The following ZNF626 variants were observed in gnomAD, a reference collection of about 807,000 sequenced individuals.
ZNF626 encodes the protein CTC-513N18.7.
In ZNF626, 4 loss-of-function variants were observed where a neutral mutation model predicts 11.7. The observed-to-expected ratio is 0.34, with a 90% CI of 0.17 to 0.78. The LOEUF (loss-of-function observed/expected upper bound fraction) is 0.78. ZNF626 is among the 30% of genes least tolerant of loss of function. ZNF626 has a pLI of 0.57. For synonymous variants in ZNF626, 179 were observed against 198.6 expected (o/e 0.90, Z 0.83); for missense variants, 588 against 587.1 (o/e 1.00, Z -0.01).
chr19:20,635,408 C>A (rs1016018219), intron 3 of ZNF626, among the ~76,000 whole-genome samples: 1 of 152,180 alleles, frequency 6.6e-6, no homozygotes, highest in Non-Finnish European at 1.5e-5. Context: ...CTGCAACCTC[C>A]GCCTCCTGGG....
intron 3 of ZNF626, 77 bp from the exon 4 acceptor site, chr19:20,625,727 A>G: frequency 7.2e-7 from 1 of 1,390,132 alleles, no homozygotes. Context: ...CAGTTTGTAT[A>G]GTTTTATACA....
At chr19:20,634,947 G>T (rs1478381153) in intron 3 of ZNF626, among the ~76,000 whole-genome samples, 1 of 152,174 alleles carries the variant, frequency 6.6e-6, no homozygotes, top group African/African-American at 2.4e-5. Flanking sequence ...ACATATGTTA[G>T]CTTTCACATA....
In ZNF626 at chr19:20,624,081, AC is replaced by A; in HGVS notation, c.*208del. ...GGTGTGAGGATAGGTGAAAAGCTTT[AC>A]CACATTATTCACATCTGTAGGGTTT... On this transcript the variant is annotated 3_prime_UTR_variant, in exon 4 of 4. Transcript: ENST00000601440. 1 of 858,884 alleles carries A rather than the reference AC, an allele frequency of 1.2e-6. No individual in the cohort carries two copies. Among genetic ancestry groups the A allele is most frequent in the Non-Finnish European group, 2.0e-6 (1 of 505,982 alleles). 53.2% of individuals were successfully genotyped at this position (858,884 alleles called of 1,614,324 possible).
At chr19:20,635,707 G>C (rs1969958720) in intron 3 of ZNF626, among the ~76,000 whole-genome samples, 1 of 152,154 alleles carries the variant, frequency 6.6e-6, no homozygotes, top group African/African-American at 2.4e-5. Context: ...AAGAGATACA[G>C]AGTAATTATT....
chr19:20,644,020 AGC>A (rs1970049558), intron 3 of ZNF626, among the ~76,000 whole-genome samples: 1 of 152,170 alleles, frequency 6.6e-6, no homozygotes, highest in Non-Finnish European at 1.5e-5. Flanking sequence ...CTTACTCTGT[AGC>A]CACCACAAAC....
chr19:20,648,035 C>A (rs142381369), intron 1 of ZNF626, among the ~76,000 whole-genome samples: 33 of 151,570 alleles, frequency 2.2e-4, no homozygotes, highest in African/African-American at 7.5e-4. Context: ...AAAAATTAGC[C>A]GGGTGTTGTG....
At chr19:20,630,995 A>C (rs1468261438) in intron 3 of ZNF626, among the ~76,000 whole-genome samples, 3 of 152,116 alleles carry the variant, frequency 2.0e-5, no homozygotes, top group East Asian at 1.9e-4. Context: ...GTTGGTTTCA[A>C]AGAACATCTT....
intron 1 of ZNF626, among the ~76,000 whole-genome samples, chr19:20,652,406 T>C (rs1970156897): frequency 1.3e-5 from 2 of 151,972 alleles, no homozygotes; most frequent in Admixed American, 1.3e-4. Flanking sequence ...TTGCCTGGAA[T>C]CTACACTTTG....
rs782202004 is a variant in ZNF626, at chr19:20,624,406, T to A, written c.1471A>T (p.Asn491Tyr). 11 of 748,590 alleles carry A rather than the reference T, an allele frequency of 1.5e-5. No individual in the cohort carries two copies. The South Asian group carries it at 1.8e-4, about 12-fold the overall frequency. 46.4% of individuals were successfully genotyped at this position (748,590 alleles called of 1,614,324 possible). A position where few individuals can be genotyped will look rare whatever the true frequency, so the allele number is the denominator to read the frequency against. Residue 491 changes from asparagine (N) to tyrosine (Y), a missense_variant, in exon 4 of 4, where the codon AAC (asparagine) becomes TAC (tyrosine). Asn to Tyr is a moderately radical substitution (Grantham distance 143, BLOSUM62 -2). This residue lies in a region of ZNF626 where 43 missense variants were observed against 38.0 expected (regional missense o/e 1.13). Coordinates refer to ENST00000601440, the MANE Select transcript of ZNF626 (RefSeq NM_001076675.3). ...TGTGTAGTAAGGATTGAGGACTGGT[T>A]GAAGGCTTTGCCACATTCTTCACAT... ...YKCEECGKAF[N>Y]QSSILTTHER...
rs544741013 is a variant in ZNF626 at position 20,623,877 on chromosome 19, T to C, written c.*413A>G. On this transcript the variant is annotated 3_prime_UTR_variant, in exon 4 of 4. Coordinates refer to ENST00000601440, the MANE Select transcript of ZNF626 (RefSeq NM_001076675.3). Reference sequence around the variant, plus strand: ...ACACTTGTAGGGTTTCTTTCCAGTATGAATTATGTGTAATAAAGGTTGAGA... The same window carrying C: ...ACACTTGTAGGGTTTCTTTCCAGTACGAATTATGTGTAATAAAGGTTGAGA... The C allele has an allele frequency of 1.4e-4, 48 of 347,392 alleles. No homozygotes were observed. Among genetic ancestry groups the C allele is most frequent in the African/African-American group, 1.0e-3 (47 of 46,818 alleles). The allele number at this position is 347,392 out of a possible 1,614,324, so 21.5% of individuals were successfully genotyped here.
chr19:20,631,885 A>G (rs532906361), intron 3 of ZNF626, among the ~76,000 whole-genome samples: 3 of 151,714 alleles, frequency 2.0e-5, no homozygotes, highest in African/African-American at 4.8e-5. Context: ...TCCTAGTCTC[A>G]ATGGTCTTTA....
intron 3 of ZNF626, among the ~76,000 whole-genome samples, chr19:20,643,435 T>C (rs1344785659): frequency 1.3e-5 from 2 of 152,150 alleles, no homozygotes; most frequent in African/African-American, 4.8e-5. Context: ...TACTTATAAC[T>C]AGTAACTATG....
chr19:20,627,617 T>C (rs1398647806), intron 3 of ZNF626, among the ~76,000 whole-genome samples: 1 of 152,060 alleles, frequency 6.6e-6, no homozygotes, highest in East Asian at 1.9e-4. Context: ...TATATATAAT[T>C]ATCTTTCCAA....
At position 20,633,720 on chromosome 19, in the gene ZNF626, C is replaced by T. The variant is rs369908239; in HGVS notation, c.227-8070G>A. On this transcript the variant is annotated intron_variant, in intron 3 of 3. Transcript: ENST00000601440. ...TTTCTTTGACTAGGAAAGGGAATTC[C>T]CTGACCCCTTGCACTTCCTGGGTGA... Among the ~76,000 whole-genome samples the T allele has an allele frequency of 4.1e-4, 63 of 152,272 alleles. No homozygotes were observed. The East Asian group carries it at 5.6e-3, about 14-fold the overall frequency.
Position 20,661,568 on chromosome 19 carries a change from A to T in ZNF626, c.-122T>A. 1 of 1,177,838 alleles carries T rather than the reference A, an allele frequency of 8.5e-7. No homozygotes were observed. The highest frequency in any genetic ancestry group is 1.2e-6 in the Non-Finnish European group (1 of 817,470). 73.0% of individuals were successfully genotyped at this position (1,177,838 alleles called of 1,614,324 possible). A position where few individuals can be genotyped will look rare whatever the true frequency, so the allele number is the denominator to read the frequency against. On this transcript the variant is annotated 5_prime_UTR_variant, in exon 1 of 4. Coordinates refer to ENST00000601440, the MANE Select transcript of ZNF626 (RefSeq NM_001076675.3). ...GACCTGGAGCTCTGACTGCAGCGAG[A>T]GACAAAGGCCGCACCAAACCCGGAA...
intron 3 of ZNF626, among the ~76,000 whole-genome samples, chr19:20,630,293 C>T (rs372718111): frequency 4.5e-4 from 68 of 152,182 alleles, no homozygotes; most frequent in African/African-American, 1.5e-3. Flanking sequence ...GCTGGCCTCA[C>T]AAAATGAGTT....
chr19:20,652,250 TC>T (rs756669852), intron 1 of ZNF626, among the ~76,000 whole-genome samples: 3 of 139,752 alleles, frequency 2.1e-5, no homozygotes, highest in East Asian at 2.1e-4. Flanking sequence ...GAAGGAGAGA[TC>T]CCCCCCATAG....
At chr19:20,646,470 A>T (rs1970080144) in intron 1 of ZNF626, 65 bp from the exon 2 acceptor site, 1 of 1,611,258 alleles carries the variant, frequency 6.2e-7, no homozygotes. Flanking sequence ...ATTTGACTTA[A>T]GGTGAAATAA....
At chr19:20,642,651 C>T (rs942923212) in intron 3 of ZNF626, among the ~76,000 whole-genome samples, 3 of 152,132 alleles carry the variant, frequency 2.0e-5, no homozygotes, top group South Asian at 2.1e-4. Flanking sequence ...AAGAAACATG[C>T]TAATACAGAA....
Sources: allele counts gnomAD v4.1 joint callset (sites outside exome capture counted in the v4.1 genomes callset), GRCh38; gene constraint gnomAD v4.1.1; regional missense constraint gnomAD v4.1.1; transcripts MANE v1.5; gene names NCBI Gene and HGNC (gene_info 2026-07-23, HGNC 2026-07-21).